The following LSM8 variants were observed in gnomAD, a reference collection of about 807,000 sequenced individuals.
The protein encoded by LSM8 is LSM8 homolog, U6 small nuclear RNA associated, also known as LSM8 U6 small nuclear RNA associated.
Under a neutral mutation model 15.0 loss-of-function variants are expected in LSM8, and 14 were observed. The ratio of observed to expected loss-of-function variants is 0.93; its 90% CI spans 0.62 to 1.46. LSM8 has a LOEUF of 1.46. Among genes scored for constraint, LSM8 ranks in the 40% most tolerant of loss-of-function variants. The pLI is 0.00. For synonymous variants in LSM8, 50 were observed against 42.1 expected, an observed-to-expected ratio of 1.19 and a Z score of -0.73; for missense variants, 90 against 115.4, an observed-to-expected ratio of 0.78 and a Z score of 1.01.
chr7:118,187,145 A>G (rs1436692615), intron 2 of LSM8, among the ~76,000 whole-genome samples: 1 of 152,130 alleles, frequency 6.6e-6, no homozygotes, highest in Non-Finnish European at 1.5e-5. Context: ...TAAATACTCC[A>G]TATTTTGTTT....
chr7:118,185,095 A>G (rs2116316641), intron 1 of LSM8: 2 of 152,304 alleles, frequency 1.3e-5, no homozygotes, highest in Non-Finnish European at 2.9e-5. Flanking sequence ...TGCCTGAAAT[A>G]ATAGATTGGT....
In LSM8 at chr7:118,195,613, C is replaced by T. The variant is rs781577498; in HGVS notation, c.*3611C>T. 3.9e-5 allele frequency among the ~76,000 whole-genome samples: 6 copies of T among 152,122 alleles called. No homozygotes were observed. Among genetic ancestry groups the T allele is most frequent in the Non-Finnish European group, 7.3e-5 (5 of 68,032 alleles). ...TTTCTATGTCAGCGAATATTCTTGA[C>T]TCAAGGAGTTTGAAAGTGTAAACTC... On this transcript the variant is annotated 3_prime_UTR_variant, in exon 4 of 4. Coordinates refer to ENST00000249299, the MANE Select transcript of LSM8 (RefSeq NM_016200.5).
At position 118,203,921 on chromosome 7, in the gene LSM8, C is replaced by A. The variant is rs1473978178; in HGVS notation, c.*11919C>A. Reference sequence around the variant, plus strand: ...TTGGTTGCTTTCTAATTCCTTTCCTCCCTTATTGGTTACCTATGAATTGCT... The same window carrying A: ...TTGGTTGCTTTCTAATTCCTTTCCTACCTTATTGGTTACCTATGAATTGCT... On this transcript the variant is annotated 3_prime_UTR_variant, in exon 4 of 4. Transcript: ENST00000249299. Among the ~76,000 whole-genome samples the A allele has an allele frequency of 1.3e-5, 2 of 151,644 alleles. No individual in the cohort carries two copies. The highest frequency in any genetic ancestry group is 4.8e-5 in the African/African-American group (2 of 41,354).
In LSM8 at chr7:118,197,574, T is replaced by C. The variant is rs1346228669; in HGVS notation, c.*5572T>C. Among the ~76,000 whole-genome samples, 1 of 152,172 alleles carries C rather than the reference T, an allele frequency of 6.6e-6. No homozygotes were observed. The highest frequency in any genetic ancestry group is 2.4e-5 in the African/African-American group (1 of 41,454). ...AATGCCCTGAAAGTGATCACAATGA[T>C]AGTTAAAAGTTAAATTTTTTATTTT... On this transcript the variant is annotated 3_prime_UTR_variant, in exon 4 of 4. Transcript: ENST00000249299.
intron 3 of LSM8, chr7:118,188,655 C>T (rs1043213906): frequency 7.1e-6 from 2 of 283,642 alleles, no homozygotes; most frequent in South Asian, 5.4e-5. Context: ...GAGATTTGCC[C>T]ATTTTTCTAC....
rs1056961799 is a variant in LSM8 at position 118,198,839 on chromosome 7, GT to G, written c.*6838del. On this transcript the variant is annotated 3_prime_UTR_variant, in exon 4 of 4. Transcript: ENST00000249299. ...CCTTGGGATGTCTTACCTGTTAAGAGTGCTTTTGTATGCCTGAGACCATAGG... is the reference window on the plus strand; with the variant it reads ...CCTTGGGATGTCTTACCTGTTAAGAGGCTTTTGTATGCCTGAGACCATAGG... Among the ~76,000 whole-genome samples, 2 of 152,268 alleles carry G rather than the reference GT, an allele frequency of 1.3e-5. No individual in the cohort carries two copies. The highest frequency in any genetic ancestry group is 4.8e-5 in the African/African-American group (2 of 41,562).
In LSM8 at chr7:118,193,361, C is replaced by T. The variant is rs1256354618; in HGVS notation, c.*1359C>T. Reference sequence around the variant, plus strand: ...AAAAAATGAACAATTTGTATAAATTCTGGAATAGATCCTTATAGAGAGTTT... The same window carrying T: ...AAAAAATGAACAATTTGTATAAATTTTGGAATAGATCCTTATAGAGAGTTT... On this transcript the variant is annotated 3_prime_UTR_variant, in exon 4 of 4. Transcript: ENST00000249299. Among the ~76,000 whole-genome samples the T allele has an allele frequency of 6.6e-6, 1 of 152,060 alleles. No homozygotes were observed. Among genetic ancestry groups the T allele is most frequent in the Non-Finnish European group, 1.5e-5 (1 of 67,964 alleles).
chr7:118,192,162 A>G lies in LSM8; in HGVS notation c.*160A>G. On this transcript the variant is annotated 3_prime_UTR_variant, in exon 4 of 4. Transcript: ENST00000249299. ...ATATTTCTACATTTTATTGAAAAAA[A>G]AACCTTTTTTTTTGCCTAAATATAA... is the stretch of plus-strand genomic sequence containing the variant. 1 of 476,022 alleles carries G rather than the reference A, an allele frequency of 2.1e-6. No homozygotes were observed. The highest frequency in any genetic ancestry group is 3.4e-6 in the Non-Finnish European group (1 of 295,922). The allele number at this position is 476,022 out of a possible 1,614,324, so 29.5% of individuals were successfully genotyped here.
In LSM8 at chr7:118,203,828, CT is replaced by C. The variant is rs1809207630; in HGVS notation, c.*11832del. On this transcript the variant is annotated 3_prime_UTR_variant, in exon 4 of 4. Coordinates refer to ENST00000249299, the MANE Select transcript of LSM8 (RefSeq NM_016200.5). ...ATACTCATCCTTTATATTTATCATG[CT>C]TTTTTGAATAAATTTGCCACCTTAT... is the stretch of plus-strand genomic sequence containing the variant. Among the ~76,000 whole-genome samples the C allele has an allele frequency of 6.6e-6, 1 of 151,582 alleles. No homozygotes were observed. The highest frequency in any genetic ancestry group is 6.6e-5 in the Admixed American group (1 of 15,184).
chr7:118,196,960 C>T lies in LSM8; in HGVS notation c.*4958C>T, dbSNP rs1809090475. 6.6e-6 allele frequency among the ~76,000 whole-genome samples: 1 copy of T among 151,734 alleles called. No individual in the cohort carries two copies. The highest frequency in any genetic ancestry group is 2.4e-5 in the African/African-American group (1 of 41,290). Reference sequence around the variant, plus strand: ...GCCAGGATGGTCTTGATCTCCTGACCTCGTGATCTGCCCACTTCGGCGTCC... The same window carrying T: ...GCCAGGATGGTCTTGATCTCCTGACTTCGTGATCTGCCCACTTCGGCGTCC... On this transcript the variant is annotated 3_prime_UTR_variant, in exon 4 of 4. Coordinates refer to ENST00000249299, the MANE Select transcript of LSM8 (RefSeq NM_016200.5).
rs1305510394 is a variant in LSM8, at chr7:118,195,679, A to G, written c.*3677A>G. On this transcript the variant is annotated 3_prime_UTR_variant, in exon 4 of 4. Transcript: ENST00000249299. The stretch of plus-strand genomic sequence containing the variant: ...GTAAAGAGGAACCTCTCCATTCTGT[A>G]CTTGTATAGTCATTACCTCATATAG... 1.3e-5 allele frequency among the ~76,000 whole-genome samples: 2 copies of G among 152,196 alleles called. No homozygotes were observed. Among genetic ancestry groups the G allele is most frequent in the East Asian group, 3.9e-4 (2 of 5,192 alleles).
chr7:118,189,551 A>C (rs1258326220), intron 3 of LSM8: 2 of 152,314 alleles, frequency 1.3e-5, no homozygotes, highest in Non-Finnish European at 2.9e-5. Flanking sequence ...TCCGTGTCAA[A>C]AAATAAAAAA....
At position 118,202,331 on chromosome 7, in the gene LSM8, T is replaced by C. The variant is rs1159704107; in HGVS notation, c.*10329T>C. Among the ~76,000 whole-genome samples, 2 of 151,974 alleles carry C rather than the reference T, an allele frequency of 1.3e-5. No individual in the cohort carries two copies. The highest frequency in any genetic ancestry group is 2.9e-5 in the Non-Finnish European group (2 of 67,930). On this transcript the variant is annotated 3_prime_UTR_variant, in exon 4 of 4. Coordinates refer to ENST00000249299, the MANE Select transcript of LSM8 (RefSeq NM_016200.5). ...GGCTTTAACAGGCAGGAGGAGTTCA[T>C]TTATCTCGAGAGAAAAGAACAGAAA...
At chr7:118,187,739 G>A (rs1393569379) in intron 2 of LSM8, among the ~76,000 whole-genome samples, 5 of 152,186 alleles carry the variant, frequency 3.3e-5, no homozygotes, top group Admixed American at 1.3e-4. Flanking sequence ...ACACCATTCT[G>A]TGCCTCAGTT....
chr7:118,198,554 C>T lies in LSM8; in HGVS notation c.*6552C>T, dbSNP rs1809117943. ...CCATGCATGGCAAAGATGCATTTTC[C>T]TCTATGCATAGCAATATGGGAGAGA... On this transcript the variant is annotated 3_prime_UTR_variant, in exon 4 of 4. Coordinates refer to ENST00000249299, the MANE Select transcript of LSM8 (RefSeq NM_016200.5). 6.6e-6 allele frequency among the ~76,000 whole-genome samples: 1 copy of T among 152,136 alleles called. No homozygotes were observed. Among genetic ancestry groups the T allele is most frequent in the South Asian group, 2.1e-4 (1 of 4,834 alleles).
chr7:118,196,965 G>T lies in LSM8; in HGVS notation c.*4963G>T, dbSNP rs1045990295. ...GATGGTCTTGATCTCCTGACCTCGTGATCTGCCCACTTCGGCGTCCCAAAG... is the reference window on the plus strand; with the variant it reads ...GATGGTCTTGATCTCCTGACCTCGTTATCTGCCCACTTCGGCGTCCCAAAG... On this transcript the variant is annotated 3_prime_UTR_variant, in exon 4 of 4. Coordinates refer to ENST00000249299, the MANE Select transcript of LSM8 (RefSeq NM_016200.5). 4.0e-5 allele frequency among the ~76,000 whole-genome samples: 6 copies of T among 151,716 alleles called. No individual in the cohort carries two copies. The highest frequency in any genetic ancestry group is 8.8e-5 in the Non-Finnish European group (6 of 67,968).
In LSM8 at chr7:118,192,350, GTA is replaced by G. The variant is rs1346056331; in HGVS notation, c.*349_*350del. 5.7e-6 allele frequency: 1 copy of G among 175,718 alleles called. No individual in the cohort carries two copies. Among genetic ancestry groups the G allele is most frequent in the Non-Finnish European group, 1.2e-5 (1 of 82,692 alleles). 10.9% of individuals were successfully genotyped at this position (175,718 alleles called of 1,614,324 possible). ...ATATAAATCAGGCATTCAAGTAACA[GTA>G]ATACAGGATATATGTGTTTTCTTTC... On this transcript the variant is annotated 3_prime_UTR_variant, in exon 4 of 4. Coordinates refer to ENST00000249299, the MANE Select transcript of LSM8 (RefSeq NM_016200.5).
intron 3 of LSM8, 154 bp from the exon 4 acceptor site, chr7:118,191,758 G>A: frequency 1.7e-6 from 1 of 587,790 alleles, no homozygotes; most frequent in East Asian, 2.9e-5. Flanking sequence ...TCACGCCAAT[G>A]TTGTTTGCTT....
chr7:118,188,262 A>C lies in LSM8; in HGVS notation c.73-16A>C. 3 of 1,611,772 alleles carry C rather than the reference A, an allele frequency of 1.9e-6. No individual in the cohort carries two copies. The highest frequency in any genetic ancestry group is 2.5e-6 in the Non-Finnish European group (3 of 1,178,280). On this transcript the variant is annotated splice_polypyrimidine_tract_variant and intron_variant, in intron 2 of 3. Transcript: ENST00000249299. ...CCAGAATATTTCTCTTTTTCTCCTG[A>C]ATATTTTCTTTACAGGGAACACTGA...
Sources: gnomAD v4.1 joint callset for allele counts (sites outside exome capture counted in the v4.1 genomes callset) on GRCh38, gnomAD v4.1.1 for gene constraint, MANE v1.5 for transcripts, NCBI Gene and HGNC (gene_info 2026-07-23, HGNC 2026-07-21) for gene names.